Variants in IQSEC3 observed in about 807,000 individuals in gnomAD.
IQSEC3 encodes the protein IQ motif and Sec7 domain ArfGEF 3.
A neutral mutation model predicts 105.4 loss-of-function variants in IQSEC3; 50 were observed. That is an observed-to-expected ratio of 0.47 (90% CI 0.38 to 0.60). The LOEUF (loss-of-function observed/expected upper bound fraction) is 0.60. IQSEC3 is among the 20% of genes least tolerant of loss of function. IQSEC3 has a pLI of 0.00. For synonymous variants in IQSEC3, 708 were observed against 746.0 expected (o/e 0.95, Z 0.83); for missense variants, 1,415 against 1,630.0 (o/e 0.87, Z 2.27).
intron 2 of IQSEC3, among the ~76,000 whole-genome samples, chr12:119,705 C>T (rs1865157856): frequency 6.6e-6 from 1 of 152,198 alleles, no homozygotes; most frequent in Non-Finnish European, 1.5e-5. Flanking sequence ...CTTGGCCAAT[C>T]CCACGTGGCA....
Position 82,998 on chromosome 12 carries a change from G to T in IQSEC3, c.554+15562G>T, listed in dbSNP as rs373072168. ...AGTGAGGCTCTCAGGAGGTTCTGAC[G>T]CAGTTCCCTGCTGGAAAACCATCAG... is the stretch of plus-strand genomic sequence containing the variant. On this transcript the variant is annotated intron_variant, in intron 1 of 13. Transcript: ENST00000538872. Among the ~76,000 whole-genome samples, 21 of 152,326 alleles carry T rather than the reference G, an allele frequency of 1.4e-4. No homozygotes were observed. The South Asian group carries it at 3.9e-3, about 29-fold the overall frequency.
intron 2 of IQSEC3, among the ~76,000 whole-genome samples, chr12:104,593 C>T (rs782699501): frequency 1.3e-5 from 2 of 152,194 alleles, no homozygotes; most frequent in Non-Finnish European, 2.9e-5. Flanking sequence ...GCATTTCCCA[C>T]TTGGCGAGGC....
At chr12:140,896 C>T in intron 4 of IQSEC3, 1 of 489,126 alleles carries the variant, frequency 2.0e-6, no homozygotes, top group Non-Finnish European at 3.6e-6. Flanking sequence ...TCTCCTCCAT[C>T]TGCTCTGGAA....
chr12:145,953 G>C (rs914278215), intron 5 of IQSEC3, among the ~76,000 whole-genome samples: 1 of 152,186 alleles, frequency 6.6e-6, no homozygotes, highest in Admixed American at 6.5e-5. Context: ...CTTCTGGGTT[G>C]AGCTGCCGGA....
At chr12:116,147 T>G (rs1865041015) in intron 2 of IQSEC3, among the ~76,000 whole-genome samples, 1 of 152,220 alleles carries the variant, frequency 6.6e-6, no homozygotes, top group Non-Finnish European at 1.5e-5. Flanking sequence ...GTATTAGCCC[T>G]TCGTTCTTGG....
At chr12:96,586 G>T (rs1186386289) in intron 1 of IQSEC3, among the ~76,000 whole-genome samples, 2 of 152,174 alleles carry the variant, frequency 1.3e-5, no homozygotes, top group Non-Finnish European at 2.9e-5. Context: ...TTCAGGGCCT[G>T]CTACCTGTCA....
chr12:126,766 T>A (rs1865429474), intron 3 of IQSEC3, among the ~76,000 whole-genome samples: 1 of 152,144 alleles, frequency 6.6e-6, no homozygotes, highest in South Asian at 2.1e-4. Flanking sequence ...ACCTCCAAGG[T>A]CCCTTCTGCC....
In IQSEC3 at chr12:131,201, C is replaced by T. The variant is rs533659250; in HGVS notation, c.903+5289C>T. 2.1e-3 allele frequency among the ~76,000 whole-genome samples: 317 copies of T among 152,322 alleles called. 1 individual carries two copies. Among genetic ancestry groups the T allele is most frequent in the African/African-American group, 7.0e-3 (290 of 41,576 alleles). ...AGAGGCTCATTAGAGAGACGGAGGCCCCCGCGCCCCTGCCGCTGCTTCTTC... is the reference window on the plus strand; with the variant it reads ...AGAGGCTCATTAGAGAGACGGAGGCTCCCGCGCCCCTGCCGCTGCTTCTTC... On this transcript the variant is annotated intron_variant, in intron 3 of 13. Coordinates refer to ENST00000538872, the MANE Select transcript of IQSEC3 (RefSeq NM_001170738.2).
chr12:155,473 C>T (rs550508088), intron 5 of IQSEC3, among the ~76,000 whole-genome samples: 3 of 152,340 alleles, frequency 2.0e-5, no homozygotes, highest in East Asian at 1.9e-4. Flanking sequence ...TCCCTCTCGG[C>T]GCCCCCTCCC....
At chr12:82,908 G>A (rs1863792375) in intron 1 of IQSEC3, among the ~76,000 whole-genome samples, 1 of 152,210 alleles carries the variant, frequency 6.6e-6, no homozygotes, top group Admixed American at 6.5e-5. Flanking sequence ...ACGTGGCCCA[G>A]CCTCAGCACT....
chr12:103,211 C>T (rs1565396797), intron 2 of IQSEC3, among the ~76,000 whole-genome samples: 5 of 151,502 alleles, frequency 3.3e-5, no homozygotes, highest in South Asian at 2.1e-4. Flanking sequence ...GACAATGACC[C>T]GGTAGCTGGC....
chr12:126,428 G>A (rs1025753859), intron 3 of IQSEC3, among the ~76,000 whole-genome samples: 4 of 152,200 alleles, frequency 2.6e-5, no homozygotes, highest in South Asian at 4.1e-4. Flanking sequence ...CCATGGAGGG[G>A]CCTGGGCCTC....
intron 2 of IQSEC3, among the ~76,000 whole-genome samples, chr12:118,591 G>A (rs1185529815): frequency 5.3e-5 from 8 of 150,850 alleles, no homozygotes; most frequent in African/African-American, 1.9e-4. Flanking sequence ...CCTTCAAAAT[G>A]CTCCTGGTAG....
chr12:132,765 A>G (rs1374021430), intron 3 of IQSEC3, among the ~76,000 whole-genome samples: 2 of 152,168 alleles, frequency 1.3e-5, no homozygotes, highest in Non-Finnish European at 2.9e-5. Context: ...CATAGCCTAG[A>G]TGGACAGAGG....
rs1260218133 is a variant in IQSEC3 at position 139,309 on chromosome 12, C to A, written c.1946C>A (p.Thr649Asn). ...SCKSPTLSTD[T>N]LRKRLYRIGL... ...AAGTCGCCCACGCTCTCCACCGACA[C>A]CCTGCGCAAGCGGCTCTACCGCATC... Residue 649 changes from threonine to asparagine, a missense_variant, in exon 4 of 14, where the codon ACC (threonine) becomes AAC (asparagine). Thr to Asn is a moderately conservative substitution (Grantham distance 65). Around this residue, in one of 6 missense-constraint regions of IQSEC3, gnomAD observed 213 missense variants for 306.2 expected, o/e 0.70. Transcript: ENST00000538872. The A allele has an allele frequency of 6.3e-7, 1 of 1,599,804 alleles. No homozygotes were observed. The highest frequency in any genetic ancestry group is 1.7e-5 in the Admixed American group (1 of 58,454).
chr12:138,518 C>T lies in IQSEC3; in HGVS notation c.1155C>T (p.Pro385=). Residue 385 remains proline (P), a synonymous_variant, in exon 4 of 14, where the codon CCC becomes CCT. Coordinates refer to ENST00000538872, the MANE Select transcript of IQSEC3 (RefSeq NM_001170738.2). The surrounding 1 kb of genome is among the most constrained non-coding windows in gnomAD (Gnocchi z 7.1). Reference sequence around the variant, plus strand: ...TGGGGCTGCCGCTGGTGCGCTCGCCCTCCCTGCCGCCCACCTTCGCAGGCA... The same window carrying T: ...TGGGGCTGCCGCTGGTGCGCTCGCCTTCCCTGCCGCCCACCTTCGCAGGCA... ...GLVGLPLVRS[P]SLPPTFAGTL... 6.3e-7 allele frequency: 1 copy of T among 1,579,354 alleles called. No homozygotes were observed.
chr12:143,078 G>T (rs782702385), intron 5 of IQSEC3, among the ~76,000 whole-genome samples: 1 of 152,220 alleles, frequency 6.6e-6, no homozygotes, highest in Non-Finnish European at 1.5e-5. Context: ...GGAACACAGC[G>T]TTTTCCTGCA....
At chr12:75,550 A>AT (rs1220108219) in intron 1 of IQSEC3, among the ~76,000 whole-genome samples, 2 of 152,134 alleles carry the variant, frequency 1.3e-5, no homozygotes, top group African/African-American at 2.4e-5. Context: ...TCTTAAAATA[A>AT]TTTTTTGGAT....
Position 178,374 on chromosome 12 carries a change from A to G in IQSEC3, c.*3341A>G, listed in dbSNP as rs1323572065. The G allele has an allele frequency of 6.6e-6, 1 of 152,244 alleles. No homozygotes were observed. The highest frequency in any genetic ancestry group is 2.4e-5 in the African/African-American group (1 of 41,454). The allele number at this position is 152,244 out of a possible 1,614,324, so 9.4% of individuals were successfully genotyped here. A position where few individuals can be genotyped will look rare whatever the true frequency, so the allele number is the denominator to read the frequency against. On this transcript the variant is annotated 3_prime_UTR_variant, in exon 14 of 14. Transcript: ENST00000538872. The stretch of plus-strand genomic sequence containing the variant: ...CCAGCAACTAATCCAAATGGCAAAT[A>G]TTTTGTAACAAAATAGCCCAGAGGT...
Sources: allele counts gnomAD v4.1 joint callset (sites outside exome capture counted in the v4.1 genomes callset), GRCh38; gene constraint gnomAD v4.1.1; regional missense constraint gnomAD v4.1.1; non-coding constraint Gnocchi (gnomAD v3.1); transcripts MANE v1.5; gene names NCBI Gene and HGNC (gene_info 2026-07-23, HGNC 2026-07-21).